PCGF3: variants seen among roughly 807,000 people sequenced by gnomAD.
PCGF3 encodes the protein polycomb group RING finger protein 3.
In PCGF3, 7 loss-of-function variants were observed where a neutral mutation model predicts 33.1. The ratio of observed to expected loss-of-function variants is 0.21; its 90% confidence interval spans 0.12 to 0.40. The LOEUF (loss-of-function observed/expected upper bound fraction) is 0.40, where lower values mean the gene tolerates loss of function less well. PCGF3 is among the 10% of genes least tolerant of loss of function. PCGF3 has a pLI of 1.00. For synonymous variants in PCGF3, 153 were observed against 121.3 expected, an observed-to-expected ratio of 1.26 and a Z score of -1.72; for missense variants, 211 against 313.3, an observed-to-expected ratio of 0.67 and a Z score of 2.46.
intron 6 of PCGF3, among the ~76,000 whole-genome samples, chr4:737,868 G>A (rs980238091): frequency 1.3e-5 from 2 of 152,150 alleles, no homozygotes; most frequent in African/African-American, 4.8e-5. Flanking sequence ...TCATCCCACA[G>A]CGCCAGCTTC....
At position 737,684 on chromosome 4, in the gene PCGF3, C is replaced by G. The variant is rs1186124764; in HGVS notation, c.262+163C>G. 4.2e-5 allele frequency: 26 copies of G among 617,158 alleles called. No individual in the cohort carries two copies. In the East Asian group the frequency reaches 6.0e-4, roughly 14 times the overall value. The allele number at this position is 617,158 out of a possible 1,614,324, so 38.2% of individuals were successfully genotyped here. ...GCCCAACTTCATCTCCTTGGCTGGTCTCTTCTTTCGTCTAAGATGCGTAGA... is the reference window on the plus strand; with the variant it reads ...GCCCAACTTCATCTCCTTGGCTGGTGTCTTCTTTCGTCTAAGATGCGTAGA... On this transcript the variant is annotated intron_variant, in intron 6 of 10. Coordinates refer to ENST00000362003, the Ensembl canonical transcript of PCGF3.
At chr4:735,126 C>T (rs1298132323) in intron 5 of PCGF3, 99 bp downstream of exon 5, 10 of 1,335,484 alleles carry the variant, frequency 7.5e-6, no homozygotes, top group African/African-American at 2.9e-5. Flanking sequence ...TACTCCCATC[C>T]TGCCTTGGCA....
chr4:718,492 A>G (rs1029527336), intron 1 of PCGF3, among the ~76,000 whole-genome samples: 1 of 152,226 alleles, frequency 6.6e-6, no homozygotes, highest in African/African-American at 2.4e-5. Flanking sequence ...ACTTAATTTA[A>G]AAAATGAGAG....
At chr4:744,852 G>A (rs1277122637) in intron 8 of PCGF3, among the ~76,000 whole-genome samples, 164 bp downstream of exon 8, 1 of 10,984 alleles carries the variant, frequency 9.1e-5, no homozygotes, top group African/African-American at 2.8e-4. Flanking sequence ...CCGTGGAGGC[G>A]TGAGCAGGTG....
chr4:769,129 C>CT (rs1473714011), exon 11 of PCGF3: 1 of 152,732 alleles, frequency 6.5e-6, no homozygotes, highest in Non-Finnish European at 1.5e-5. Flanking sequence ...TGCCTGGGTC[C>CT]TGGTGCCTTG....
chr4:763,198 T>C (rs13138362), intron 9 of PCGF3, among the ~76,000 whole-genome samples: 49,799 of 152,056 alleles, frequency 0.33, 9,569 homozygotes, highest in African/African-American at 0.53. Flanking sequence ...TATCGTTTTG[T>C]TTGCTTTTCT....
intron 8 of PCGF3, among the ~76,000 whole-genome samples, chr4:751,908 C>T (rs775161155): frequency 3.8e-4 from 58 of 152,270 alleles, no homozygotes; most frequent in Non-Finnish European, 3.2e-4. Context: ...GCCACCCCCA[C>T]TGGTGGGCAC....
At chr4:739,051 C>T (rs989490346) in intron 6 of PCGF3, among the ~76,000 whole-genome samples, 10 of 152,098 alleles carry the variant, frequency 6.6e-5, no homozygotes, top group African/African-American at 2.4e-4. Context: ...GGCTGCAGTA[C>T]GTATCCCCAA....
rs577932243 is a variant in PCGF3, at chr4:733,242, C to T, written c.-9-430C>T. Among the ~76,000 whole-genome samples, 97 of 152,362 alleles carry T rather than the reference C, an allele frequency of 6.4e-4. No individual in the cohort carries two copies. The South Asian group carries it at 0.019, about 30-fold the overall frequency. ...TGGGCCCAAGGGTCGCGCTGTGAGC[C>T]GCAGAGGGTCCAGGTGCCCAGAGCC... On this transcript the variant is annotated intron_variant, in intron 3 of 10. Coordinates refer to ENST00000362003, the Ensembl canonical transcript of PCGF3.
intron 6 of PCGF3, among the ~76,000 whole-genome samples, chr4:739,716 A>G (rs902855535): frequency 6.6e-6 from 1 of 152,188 alleles, no homozygotes; most frequent in African/African-American, 2.4e-5. Flanking sequence ...CCTCCGTTCC[A>G]TCGCTCGTCT....
At chr4:734,334 T>C in intron 4 of PCGF3, 1 of 1,442,410 alleles carries the variant, frequency 6.9e-7, no homozygotes, top group Non-Finnish European at 9.1e-7. Flanking sequence ...GCCCTGCTGG[T>C]GTGGACGACC....
chr4:757,970 C>A (rs866538960), intron 8 of PCGF3, among the ~76,000 whole-genome samples: 1 of 152,006 alleles, frequency 6.6e-6, no homozygotes, highest in Non-Finnish European at 1.5e-5. Flanking sequence ...AGATCAAGAC[C>A]ATTCTGGCCA....
At chr4:733,271 C>T (rs941930745) in intron 3 of PCGF3, among the ~76,000 whole-genome samples, 2 of 152,246 alleles carry the variant, frequency 1.3e-5, no homozygotes, top group Non-Finnish European at 2.9e-5. Context: ...CAGAGCCTGC[C>T]CATCCTCATC....
chr4:761,838 A>C, intron 9 of PCGF3: 1 of 985,424 alleles, frequency 1.0e-6, no homozygotes, highest in Non-Finnish European at 1.2e-6. Flanking sequence ...CACCATGAAC[A>C]TGCCAGTGTG....
chr4:760,286 C>G (rs1013803645), intron 8 of PCGF3, among the ~76,000 whole-genome samples: 13 of 152,258 alleles, frequency 8.5e-5, no homozygotes, highest in Non-Finnish European at 1.9e-4. Flanking sequence ...CTTTGGGGCT[C>G]CCGTCTTCTC....
At chr4:718,289 G>A (rs976601646) in intron 1 of PCGF3, among the ~76,000 whole-genome samples, 2 of 152,172 alleles carry the variant, frequency 1.3e-5, no homozygotes, top group African/African-American at 2.4e-5. Context: ...GCTGGGGGCC[G>A]GACTGCTGAA....
At chr4:743,535 C>A in exon 7 of PCGF3, 1 of 1,613,470 alleles carries the variant, frequency 6.2e-7, no homozygotes, top group Non-Finnish European at 8.5e-7. Flanking sequence ...CGGGAGACAT[C>A]AAGGGGGAGA....
intron 1 of PCGF3, among the ~76,000 whole-genome samples, chr4:715,212 GTT>G (rs1239982481): frequency 0.15 from 15,986 of 106,546 alleles, 2,810 homozygotes; most frequent in Non-Finnish European, 0.2. Flanking sequence ...AGAACTGGGT[GTT>G]GGTGCTGGGA....
At chr4:767,532 C>G (rs566050044) in exon 11 of PCGF3, 4 of 152,324 alleles carry the variant, frequency 2.6e-5, no homozygotes, top group African/African-American at 9.6e-5. Context: ...TTCCAAGAAG[C>G]CAACCACCTT....
Sources: allele counts gnomAD v4.1 joint callset (sites outside exome capture counted in the v4.1 genomes callset), GRCh38; gene constraint gnomAD v4.1.1; transcripts MANE v1.5; gene names NCBI Gene and HGNC (gene_info 2026-07-23, HGNC 2026-07-21).